The following CAMSAP1 variants were observed in gnomAD, a reference collection of about 807,000 sequenced individuals.
The protein encoded by CAMSAP1 is calmodulin regulated spectrin associated protein 1.
CAMSAP1 carries 58 observed loss-of-function variants against 143.5 expected under a neutral mutation model. That is an observed-to-expected ratio of 0.40 (90% CI 0.33 to 0.50). The LOEUF (loss-of-function observed/expected upper bound fraction) is 0.50. Among genes scored for constraint, CAMSAP1 ranks in the 20% least tolerant of loss-of-function variants. CAMSAP1 has a pLI of 0.45. For synonymous variants in CAMSAP1, 945 were observed against 859.3 expected (o/e 1.10, Z -1.74); for missense variants, 1,969 against 2,115.7 (o/e 0.93, Z 1.36).
At position 135,817,970 on chromosome 9, in the gene CAMSAP1, C is replaced by T; in HGVS notation, c.4271+7G>A. On this transcript the variant is annotated splice_region_variant and intron_variant, in intron 14 of 16. Transcript: ENST00000389532. ...CCCCGTGCCGGCGGCCGTCTCAGGCCCCTTACCGCTGAGAGGGTGTGCCCC... is the reference window on the plus strand; with the variant it reads ...CCCCGTGCCGGCGGCCGTCTCAGGCTCCTTACCGCTGAGAGGGTGTGCCCC... The T allele has an allele frequency of 6.2e-7, 1 of 1,613,552 alleles. No individual in the cohort carries two copies. The highest frequency in any genetic ancestry group is 1.1e-5 in the South Asian group (1 of 91,072).
chr9:135,871,447 C>G (rs1837567794), intron 3 of CAMSAP1, among the ~76,000 whole-genome samples: 1 of 152,170 alleles, frequency 6.6e-6, no homozygotes. Context: ...CTCAGCCTAC[C>G]AAAGTGCTGA....
Position 135,824,121 on chromosome 9 carries a change from T to C in CAMSAP1, c.1316-87A>G. 8.2e-7 allele frequency: 1 copy of C among 1,224,908 alleles called. No homozygotes were observed. Among genetic ancestry groups the C allele is most frequent in the South Asian group, 1.3e-5 (1 of 77,288 alleles). 75.9% of individuals were successfully genotyped at this position (1,224,908 alleles called of 1,614,324 possible). On this transcript the variant is annotated intron_variant, in intron 9 of 16. Transcript: ENST00000389532. This position sits in a 1 kb window ranked among gnomAD's most constrained non-coding sequence, Gnocchi z 4.1. ...CAATATGACCATTTGTCCAGAAAAA[T>C]GCCTCTCAAGTCAGTACACCAGAAG...
chr9:135,884,792 T>C (rs1010299443), intron 1 of CAMSAP1, among the ~76,000 whole-genome samples: 1 of 152,008 alleles, frequency 6.6e-6, no homozygotes, highest in African/African-American at 2.4e-5. Context: ...CCTGCAGAGG[T>C]GAGCACAGAG....
chr9:135,860,986 T>G (rs188233939), intron 5 of CAMSAP1, among the ~76,000 whole-genome samples: 3 of 152,186 alleles, frequency 2.0e-5, no homozygotes, highest in African/African-American at 7.2e-5. Flanking sequence ...CCACGCCACA[T>G]GGGTGATACA....
intron 7 of CAMSAP1, chr9:135,836,116 G>A (rs1836024043): frequency 3.0e-6 from 3 of 985,268 alleles, no homozygotes; most frequent in African/African-American, 1.7e-5. Context: ...AATCCCCTCT[G>A]GGGCAGACTT....
At position 135,810,321 on chromosome 9, in the gene CAMSAP1, C is replaced by G. The variant is rs1252227084; in HGVS notation, c.*988G>C. The G allele has an allele frequency of 6.6e-6, 1 of 152,218 alleles. No individual in the cohort carries two copies. The highest frequency in any genetic ancestry group is 1.5e-5 in the Non-Finnish European group (1 of 68,044). 9.4% of individuals were successfully genotyped at this position (152,218 alleles called of 1,614,324 possible). On this transcript the variant is annotated 3_prime_UTR_variant, in exon 17 of 17. Transcript: ENST00000389532. ...TGAGAGCATGCAGCGCTTCCAGATG[C>G]AGAATCCAGACAGGACAAGCCGTGA...
chr9:135,816,523 G>T (rs906942438), intron 14 of CAMSAP1, among the ~76,000 whole-genome samples: 6 of 152,232 alleles, frequency 3.9e-5, no homozygotes, highest in Non-Finnish European at 8.8e-5. Flanking sequence ...ATGCCGAAAG[G>T]CTGGACACAG....
At chr9:135,906,930 G>GACCCCGGCCGCGTCCCCCGGCCCC (rs1838801026) in intron 1 of CAMSAP1, 70 bp downstream of exon 1, 1 of 877,408 alleles carries the variant, frequency 1.1e-6, no homozygotes, top group Admixed American at 6.2e-5. Flanking sequence ...GACCCGGCCG[G>GACCCCGGCCGCGTCCCCCGGCCCC]ACCCCGGCCG....
intron 7 of CAMSAP1, among the ~76,000 whole-genome samples, chr9:135,844,626 CTAAT>C (rs1836485951): frequency 6.6e-6 from 1 of 151,922 alleles, no homozygotes; most frequent in Non-Finnish European, 1.5e-5. Flanking sequence ...GCTAGCCACA[CTAAT>C]AAAGAAGAAA....
At chr9:135,837,027 C>T (rs1836083127) in intron 7 of CAMSAP1, 1 of 835,378 alleles carries the variant, frequency 1.2e-6, no homozygotes, top group African/African-American at 1.9e-5. Context: ...CACACGTCAC[C>T]ACACATGTTC....
intron 3 of CAMSAP1, 135 bp from the exon 4 acceptor site, chr9:135,866,671 TAC>T: frequency 1.7e-6 from 1 of 594,734 alleles, no homozygotes; most frequent in Non-Finnish European, 3.1e-6. Context: ...TTAGGCCAAT[TAC>T]ACAGATACAG....
rs1835460602 is a variant in CAMSAP1 at position 135,821,564 on chromosome 9, T to C, written c.3097A>G (p.Thr1033Ala). Residue 1033 changes from threonine to alanine, a missense_variant, in exon 11 of 17, where the codon ACG becomes GCG. Physicochemically the swap from Thr to Ala is moderately conservative, Grantham distance 58. Coordinates refer to ENST00000389532, the MANE Select transcript of CAMSAP1 (RefSeq NM_015447.4). The surrounding 1 kb of genome is among the most constrained non-coding windows in gnomAD (Gnocchi z 4.6). ...ATTTTCAGGATGGCCTGCTGCAGCG[T>C]ACTGATGGTTTCGTTAAGCTTCTCG... is the stretch of plus-strand genomic sequence containing the variant. Reference protein sequence around the residue: ...SIEKLNETISTLQQAILKISQ... With the variant: ...SIEKLNETISALQQAILKISQ... 6.2e-7 allele frequency: 1 copy of C among 1,614,046 alleles called. No homozygotes were observed. Among genetic ancestry groups the C allele is most frequent in the East Asian group, 2.2e-5 (1 of 44,888 alleles).
chr9:135,856,159 A>C (rs1180905082), intron 5 of CAMSAP1, among the ~76,000 whole-genome samples: 1 of 152,246 alleles, frequency 6.6e-6, no homozygotes, highest in East Asian at 1.9e-4. Context: ...CACACTGCTG[A>C]TAAAGACATA....
At chr9:135,869,140 A>G (rs535633934) in intron 3 of CAMSAP1, among the ~76,000 whole-genome samples, 1 of 152,204 alleles carries the variant, frequency 6.6e-6, no homozygotes, top group Non-Finnish European at 1.5e-5. Context: ...CCCAGAATCT[A>G]TAAAAGAACA....
rs887821051 is a variant in CAMSAP1, at chr9:135,808,784, G to A, written c.*2525C>T. On this transcript the variant is annotated 3_prime_UTR_variant, in exon 17 of 17. Coordinates refer to ENST00000389532, the MANE Select transcript of CAMSAP1 (RefSeq NM_015447.4). ...CTGCACATACATGCGTAAAATAATG[G>A]GACTCACGCAAGTTTCATTTCTCTT... 1 of 152,144 alleles carries A rather than the reference G, an allele frequency of 6.6e-6. No individual in the cohort carries two copies. The highest frequency in any genetic ancestry group is 6.6e-5 in the Admixed American group (1 of 15,262). The allele number at this position is 152,144 out of a possible 1,614,324, so 9.4% of individuals were successfully genotyped here.
chr9:135,904,906 G>A (rs150648287), intron 1 of CAMSAP1, among the ~76,000 whole-genome samples: 93 of 152,160 alleles, frequency 6.1e-4, no homozygotes, highest in African/African-American at 2.0e-3. Context: ...TGGCGGTTGC[G>A]GTGAGCTGAG....
intron 5 of CAMSAP1, among the ~76,000 whole-genome samples, chr9:135,853,148 T>C (rs570934068): frequency 3.9e-5 from 6 of 152,290 alleles, no homozygotes; most frequent in South Asian, 2.1e-4. Context: ...TCCCAGTACC[T>C]TGCCCCTGAG....
intron 3 of CAMSAP1, among the ~76,000 whole-genome samples, chr9:135,870,758 G>C (rs1360113789): frequency 6.6e-6 from 1 of 152,066 alleles, no homozygotes; most frequent in Non-Finnish European, 1.5e-5. Flanking sequence ...TCACACCATG[G>C]CACTCCAGCC....
intron 7 of CAMSAP1, among the ~76,000 whole-genome samples, chr9:135,840,887 C>T (rs1836319115): frequency 6.6e-6 from 1 of 152,234 alleles, no homozygotes; most frequent in Non-Finnish European, 1.5e-5. Flanking sequence ...CTTACACCAC[C>T]AGGGCCCTGG....
Sources: gnomAD v4.1 joint callset for allele counts (sites outside exome capture counted in the v4.1 genomes callset) on GRCh38, gnomAD v4.1.1 for gene constraint, Gnocchi (gnomAD v3.1) non-coding constraint, MANE v1.5 for transcripts, NCBI Gene and HGNC (gene_info 2026-07-23, HGNC 2026-07-21) for gene names.